Variants in SHISA9 observed in about 807,000 individuals in gnomAD.
The protein encoded by SHISA9 is protein shisa-9.
SHISA9 carries 13 observed loss-of-function variants against 38.0 expected under a neutral mutation model. The ratio of observed to expected loss-of-function variants is 0.34; its 90% CI spans 0.22 to 0.54. The LOEUF is 0.54. Among genes scored for constraint, SHISA9 ranks in the 20% least tolerant of loss-of-function variants. The pLI is 0.91. For missense variants in SHISA9, 538 were observed against 575.8 expected (o/e 0.93, Z 0.67); for synonymous variants, 275 against 242.0 (o/e 1.14, Z -1.27).
intron 2 of SHISA9, among the ~76,000 whole-genome samples, chr16:12,980,578 T>G (rs948040086): frequency 1.2e-4 from 18 of 152,130 alleles, no homozygotes; most frequent in Middle Eastern, 3.4e-3. Flanking sequence ...ATATGTTTTT[T>G]TTTTTAATTT....
intron 2 of SHISA9, among the ~76,000 whole-genome samples, chr16:12,950,757 C>T (rs924401932): frequency 6.6e-6 from 1 of 151,360 alleles, no homozygotes; most frequent in African/African-American, 2.4e-5. Context: ...TATTAGCTAC[C>T]ACGGCTGGCT....
At chr16:13,097,382 G>A (rs528208501) in intron 2 of SHISA9, among the ~76,000 whole-genome samples, 13 of 151,994 alleles carry the variant, frequency 8.6e-5, no homozygotes, top group South Asian at 4.2e-4. Flanking sequence ...GCCATCACGC[G>A]GTGGAATGCC....
the SHISA9 span, among the ~76,000 whole-genome samples, chr16:13,462,863 G>C: frequency 6.6e-6 from 1 of 152,102 alleles, no homozygotes; most frequent in Non-Finnish European, 1.5e-5. Context: ...TCAGGAGGCC[G>C]AGGCAGGAGA....
chr16:12,961,911 G>A (rs1462792725), intron 2 of SHISA9, among the ~76,000 whole-genome samples: 2 of 152,316 alleles, frequency 1.3e-5, no homozygotes, highest in African/African-American at 2.4e-5. Context: ...ACACCTTCCA[G>A]TCTTCCAGCA....
intron 2 of SHISA9, among the ~76,000 whole-genome samples, chr16:13,000,912 T>A (rs35314171): frequency 6.6e-6 from 1 of 152,032 alleles, no homozygotes; most frequent in Non-Finnish European, 1.5e-5. Flanking sequence ...GCAACTGCCC[T>A]CATCTTGGGT....
intron 2 of SHISA9, among the ~76,000 whole-genome samples, chr16:13,169,104 T>G (rs1357579657): frequency 6.6e-6 from 1 of 152,204 alleles, no homozygotes; most frequent in Non-Finnish European, 1.5e-5. Context: ...CACACCTGTT[T>G]CAGAGAAGAG....
chr16:13,289,898 A>T, the SHISA9 span, among the ~76,000 whole-genome samples: 1 of 152,216 alleles, frequency 6.6e-6, no homozygotes, highest in Non-Finnish European at 1.5e-5. Context: ...ATAATATTTG[A>T]ATAATCCTGA....
chr16:13,058,671 G>A (rs2073338004), intron 2 of SHISA9, among the ~76,000 whole-genome samples: 1 of 152,114 alleles, frequency 6.6e-6, no homozygotes, highest in South Asian at 2.1e-4. Flanking sequence ...TCGAGGAGAG[G>A]TAGTTGAAAG....
chr16:12,933,691 G>T (rs1280116604), intron 2 of SHISA9, among the ~76,000 whole-genome samples: 1 of 152,136 alleles, frequency 6.6e-6, no homozygotes, highest in Non-Finnish European at 1.5e-5. Context: ...CAAATCTGCT[G>T]TTGAAAATGG....
chr16:13,381,668 T>TA, the SHISA9 span, among the ~76,000 whole-genome samples: 64 of 152,270 alleles, frequency 4.2e-4, no homozygotes, highest in Middle Eastern at 3.4e-3. Context: ...TCATTTACTG[T>TA]AAAAAAACCT....
Position 13,063,322 on chromosome 16 carries a change from G to C in SHISA9, c.692-140072G>C, listed in dbSNP as rs114620973. Reference sequence around the variant, plus strand: ...CACCTGGCCCTCAGTTTCTTTATCTGTAAAACGGGTTTAATGAAAGCACAA... The same window carrying C: ...CACCTGGCCCTCAGTTTCTTTATCTCTAAAACGGGTTTAATGAAAGCACAA... On this transcript the variant is annotated intron_variant, in intron 2 of 4. Coordinates refer to ENST00000558583, the MANE Select transcript of SHISA9 (RefSeq NM_001145204.3). Among the ~76,000 whole-genome samples the C allele has an allele frequency of 6.9e-3, 1,053 of 151,970 alleles. 16 individuals are homozygous for C. Among genetic ancestry groups the C allele is most frequent in the African/African-American group, 0.024 (995 of 41,454 alleles).
At chr16:13,053,304 G>A (rs1406455241) in intron 2 of SHISA9, among the ~76,000 whole-genome samples, 1 of 151,986 alleles carries the variant, frequency 6.6e-6, no homozygotes, top group African/African-American at 2.4e-5. Flanking sequence ...TTCATCAAGT[G>A]TTGGCATCTC....
At chr16:12,913,633 C>T (rs541400025) in intron 1 of SHISA9, among the ~76,000 whole-genome samples, 4 of 152,138 alleles carry the variant, frequency 2.6e-5, no homozygotes, top group Admixed American at 1.3e-4. Context: ...ATCACCCTTA[C>T]AAAAAAAATC....
At chr16:13,295,783 A>G in the SHISA9 span, among the ~76,000 whole-genome samples, 158 of 152,218 alleles carry the variant, frequency 1.0e-3, 3 homozygotes, top group Non-Finnish European at 2.4e-4. Context: ...AATTTATCAC[A>G]CAATGCAGTG....
At chr16:13,444,183 C>A in the SHISA9 span, among the ~76,000 whole-genome samples, 1 of 152,128 alleles carries the variant, frequency 6.6e-6, no homozygotes, top group East Asian at 1.9e-4. Flanking sequence ...CCAGCCTGGG[C>A]AATATAGACA....
chr16:13,055,996 C>T (rs181951075), intron 2 of SHISA9, among the ~76,000 whole-genome samples: 32 of 152,230 alleles, frequency 2.1e-4, no homozygotes, highest in African/African-American at 6.7e-4. Flanking sequence ...AAGCTTGGGA[C>T]GCAAGTATGC....
chr16:13,269,926 AAAG>A, the SHISA9 span, among the ~76,000 whole-genome samples: 139 of 152,278 alleles, frequency 9.1e-4, no homozygotes, highest in Admixed American at 3.5e-3. Flanking sequence ...TGGCCTCTTT[AAAG>A]TTCCCCACTA....
chr16:13,170,910 G>C, intron 2 of SHISA9, among the ~76,000 whole-genome samples: 1 of 152,142 alleles, frequency 6.6e-6, no homozygotes. Context: ...ACCCGCCTTG[G>C]CCTCCCAAAG....
chr16:13,261,696 T>C, the SHISA9 span, among the ~76,000 whole-genome samples: 2 of 152,204 alleles, frequency 1.3e-5, no homozygotes, highest in Non-Finnish European at 2.9e-5. Context: ...GGTAGATTAA[T>C]GGTGGCACTT....
Sources: gnomAD v4.1 joint callset for allele counts (sites outside exome capture counted in the v4.1 genomes callset) on GRCh38, gnomAD v4.1.1 for gene constraint, MANE v1.5 for transcripts, NCBI Gene and HGNC (gene_info 2026-07-23, HGNC 2026-07-21) for gene names.